SPON1: variants seen among roughly 807,000 people sequenced by gnomAD.
SPON1 encodes the protein spondin 1.
In SPON1, 52 loss-of-function variants were observed where a neutral mutation model predicts 111.7. The ratio of observed to expected loss-of-function variants is 0.47; its 90% CI spans 0.37 to 0.59. The LOEUF is 0.59. Ranked by LOEUF, SPON1 falls within the 20% of genes least tolerant of loss-of-function variation. The probability of loss-of-function intolerance (pLI) is 0.00; values close to 1 mark genes in which losing one functional copy is unlikely to be tolerated. For missense variants in SPON1, 957 were observed against 1,068.5 expected (o/e 0.90, Z 1.46); for synonymous variants, 410 against 395.8 (o/e 1.04, Z -0.43).
intron 2 of SPON1, among the ~76,000 whole-genome samples, chr11:13,986,544 C>T (rs1554910381): frequency 6.6e-6 from 1 of 151,558 alleles, no homozygotes; most frequent in Non-Finnish European, 1.5e-5. Context: ...TTGAAATACA[C>T]AATACATTGT....
At chr11:14,239,083 T>C (rs1848896739) in intron 6 of SPON1, among the ~76,000 whole-genome samples, 1 of 152,178 alleles carries the variant, frequency 6.6e-6, no homozygotes, top group Non-Finnish European at 1.5e-5. Flanking sequence ...AGGGCCCTAG[T>C]GCCCCCATCC....
At chr11:14,063,356 TC>T (rs1481416170) in intron 3 of SPON1, among the ~76,000 whole-genome samples, 3 of 152,202 alleles carry the variant, frequency 2.0e-5, no homozygotes, top group Non-Finnish European at 4.4e-5. Flanking sequence ...TAATTTCTTT[TC>T]CACATTATTC....
intron 6 of SPON1, among the ~76,000 whole-genome samples, chr11:14,163,629 T>C (rs191624354): frequency 6.6e-6 from 1 of 152,292 alleles, no homozygotes; most frequent in East Asian, 1.9e-4. Context: ...GAGCTCCTTG[T>C]GATTTCAGAA....
intron 2 of SPON1, among the ~76,000 whole-genome samples, chr11:13,997,817 G>A (rs1421395866): frequency 2.6e-5 from 4 of 152,102 alleles, no homozygotes; most frequent in African/African-American, 9.7e-5. Flanking sequence ...GGTTGGCTGG[G>A]CTCTCAATTG....
At chr11:14,113,568 A>ATTTTTTTTTTTTTT (rs782780924) in intron 5 of SPON1, among the ~76,000 whole-genome samples, 1 of 74,752 alleles carries the variant, frequency 1.3e-5, no homozygotes, top group Non-Finnish European at 2.6e-5. Context: ...TACTTTTTAA[A>ATTTTTTTTTTTTTT]TTTTTTTTTT....
intron 6 of SPON1, among the ~76,000 whole-genome samples, chr11:14,143,574 AG>A (rs759066233): frequency 6.9e-6 from 1 of 145,262 alleles, no homozygotes; most frequent in Non-Finnish European, 1.5e-5. Flanking sequence ...AAAAAAAAAA[AG>A]GGCAGGGGAA....
At chr11:14,075,068 C>T (rs1484627451) in intron 3 of SPON1, among the ~76,000 whole-genome samples, 2 of 152,124 alleles carry the variant, frequency 1.3e-5, no homozygotes, top group East Asian at 3.8e-4. Flanking sequence ...TTCTTACCTT[C>T]ACAATAACCT....
At chr11:14,000,911 C>T (rs1554912368) in intron 2 of SPON1, among the ~76,000 whole-genome samples, 3 of 152,196 alleles carry the variant, frequency 2.0e-5, no homozygotes, top group Non-Finnish European at 1.5e-5. Flanking sequence ...GAGTTTGTTT[C>T]CTTGCCTGTC....
At chr11:14,196,135 C>T (rs781974404) in intron 6 of SPON1, among the ~76,000 whole-genome samples, 1 of 152,018 alleles carries the variant, frequency 6.6e-6, no homozygotes, top group African/African-American at 2.4e-5. Context: ...AATTGAAGCC[C>T]ATGAAGGATA....
chr11:14,125,770 C>A (rs1266291098), intron 5 of SPON1, among the ~76,000 whole-genome samples: 2 of 152,124 alleles, frequency 1.3e-5, no homozygotes, highest in Non-Finnish European at 2.9e-5. Context: ...TGTGGCGGGG[C>A]AGGGCGGTGG....
intron 2 of SPON1, among the ~76,000 whole-genome samples, chr11:14,021,923 G>A (rs1848483954): frequency 6.6e-6 from 1 of 152,194 alleles, no homozygotes; most frequent in Non-Finnish European, 1.5e-5. Context: ...AGGGACCAGG[G>A]ATGTAATTAA....
intron 2 of SPON1, among the ~76,000 whole-genome samples, chr11:13,998,923 G>A (rs1196378019): frequency 2.0e-5 from 3 of 152,110 alleles, no homozygotes; most frequent in Admixed American, 2.0e-4. Context: ...ACTTTTTCAT[G>A]TATCTATTAA....
intron 5 of SPON1, among the ~76,000 whole-genome samples, chr11:14,122,758 C>T (rs1554926629): frequency 6.6e-6 from 1 of 152,054 alleles, no homozygotes; most frequent in South Asian, 2.1e-4. Context: ...ACCAAAATTC[C>T]CTATCTGTTC....
At chr11:14,125,839 A>C (rs2133856041) in intron 5 of SPON1, among the ~76,000 whole-genome samples, 1 of 152,346 alleles carries the variant, frequency 6.6e-6, no homozygotes, top group African/African-American at 2.4e-5. Context: ...GTCCCAAGAC[A>C]ATGCAGTTAG....
intron 2 of SPON1, among the ~76,000 whole-genome samples, chr11:14,012,027 A>G (rs1440399094): frequency 6.6e-6 from 1 of 152,168 alleles, no homozygotes; most frequent in Non-Finnish European, 1.5e-5. Context: ...TGCTTAGCAG[A>G]GTCCTGGCAG....
At chr11:14,085,359 G>A (rs1848997924) in intron 5 of SPON1, among the ~76,000 whole-genome samples, 1 of 152,036 alleles carries the variant, frequency 6.6e-6, no homozygotes, top group South Asian at 2.1e-4. Flanking sequence ...TCTGTTTTAT[G>A]CATATGGCTA....
intron 5 of SPON1, among the ~76,000 whole-genome samples, chr11:14,125,471 T>C (rs1236057952): frequency 1.3e-5 from 2 of 152,148 alleles, no homozygotes; most frequent in Admixed American, 6.5e-5. Flanking sequence ...ATATAACTAC[T>C]ATAGCAGATT....
chr11:14,109,298 AG>A (rs1554925207), intron 5 of SPON1, among the ~76,000 whole-genome samples: 2 of 152,182 alleles, frequency 1.3e-5, no homozygotes, highest in African/African-American at 4.8e-5. Context: ...TTTATTGTTT[AG>A]TACAGCTGCT....
chr11:14,048,255 G>C (rs1308229344), intron 3 of SPON1, among the ~76,000 whole-genome samples: 1 of 131,230 alleles, frequency 7.6e-6, no homozygotes, highest in African/African-American at 2.7e-5. Flanking sequence ...AAACAAACAG[G>C]TTAGTAAGGA....
Sources: allele counts gnomAD v4.1 joint callset (sites outside exome capture counted in the v4.1 genomes callset), GRCh38; gene constraint gnomAD v4.1.1; transcripts MANE v1.5; gene names NCBI Gene and HGNC (gene_info 2026-07-23, HGNC 2026-07-21).